Variants in ANKRD30BL observed in about 807,000 individuals in gnomAD.
The protein encoded by ANKRD30BL is putative ankyrin repeat domain-containing protein 30B-like.
In ANKRD30BL, 20 loss-of-function variants were observed where a neutral mutation model predicts 18.4. The observed-to-expected ratio is 1.09, with a 90% CI of 0.77 to 1.58. The LOEUF (loss-of-function observed/expected upper bound fraction) is 1.58, where lower values mean the gene tolerates loss of function less well. ANKRD30BL is among the 40% of genes most tolerant of loss of function. The pLI is 0.00. For missense variants in ANKRD30BL, 224 were observed against 268.6 expected (o/e 0.83, Z 1.16); for synonymous variants, 72 against 100.9 (o/e 0.71, Z 1.72).
chr2:132,198,359 T>C (rs1348471725), intron 1 of ANKRD30BL, among the ~76,000 whole-genome samples: 2 of 131,560 alleles, frequency 1.5e-5, no homozygotes. Context: ...AGTCTCCCTC[T>C]GTCGCCCAGG....
At chr2:132,233,641 C>G (rs1189112750) in intron 1 of ANKRD30BL, among the ~76,000 whole-genome samples, 1 of 151,206 alleles carries the variant, frequency 6.6e-6, no homozygotes, top group Admixed American at 6.6e-5. Flanking sequence ...GCTAACTATC[C>G]TAAATCTATA....
At chr2:132,153,157 A>G (rs7606716) in intron 4 of ANKRD30BL, among the ~76,000 whole-genome samples, 2 of 151,894 alleles carry the variant, frequency 1.3e-5, no homozygotes, top group East Asian at 1.9e-4. Context: ...TTCTGCCCCC[A>G]CCGCCAATCC....
At chr2:132,168,370 T>C (rs1688223121) in intron 1 of ANKRD30BL, among the ~76,000 whole-genome samples, 1 of 152,176 alleles carries the variant, frequency 6.6e-6, no homozygotes, top group South Asian at 2.1e-4. Flanking sequence ...TATTACAGAT[T>C]ACTGGATAAA....
At position 132,161,658 on chromosome 2, in the gene ANKRD30BL, C is replaced by A; in HGVS notation, c.48G>T (p.Glu16Asp). 6.9e-7 allele frequency: 1 copy of A among 1,452,596 alleles called. No individual in the cohort carries two copies. Among genetic ancestry groups the A allele is most frequent in the African/African-American group, 1.4e-5 (1 of 70,850 alleles). The allele number at this position is 1,452,596 out of a possible 1,614,324, so 90.0% of individuals were successfully genotyped here. A position where few individuals can be genotyped will look rare whatever the true frequency, so the allele number is the denominator to read the frequency against. ...AAPVKGQTGPERPSPFSQLVY... is the reference protein window; with the variant it reads ...AAPVKGQTGPDRPSPFSQLVY... The stretch of plus-strand genomic sequence containing the variant: ...CCAGCTGACTGAAGGGGCTCGGGCG[C>A]TCTGGGCCCGTCTGGCCCTTGACAG... Residue 16 changes from glutamate to aspartate, a missense_variant, in exon 1 of 6, where the codon GAG (glutamate) becomes GAT (aspartate). Physicochemically the swap from Glu to Asp is conservative, Grantham distance 45 (BLOSUM62 2). Transcript: ENST00000409867.
chr2:132,199,122 C>T (rs988043071), intron 1 of ANKRD30BL, among the ~76,000 whole-genome samples: 2 of 152,118 alleles, frequency 1.3e-5, no homozygotes, highest in East Asian at 1.9e-4. Flanking sequence ...GAGGCCGAGG[C>T]GGGCAGATCA....
chr2:132,149,474 T>C (rs559777348), intron 5 of ANKRD30BL, among the ~76,000 whole-genome samples: 2 of 152,216 alleles, frequency 1.3e-5, no homozygotes, highest in African/African-American at 4.8e-5. Context: ...TAACCTGTAC[T>C]TCTCAACAAA....
At chr2:132,179,246 T>C (rs1159509303) in intron 1 of ANKRD30BL, among the ~76,000 whole-genome samples, 1 of 152,052 alleles carries the variant, frequency 6.6e-6, no homozygotes, top group Non-Finnish European at 1.5e-5. Flanking sequence ...TGATAATAAG[T>C]GACAATATTA....
intron 1 of ANKRD30BL, among the ~76,000 whole-genome samples, chr2:132,237,515 T>G (rs1287857539): frequency 6.6e-6 from 1 of 152,090 alleles, no homozygotes; most frequent in Admixed American, 6.6e-5. Flanking sequence ...CTCACAGAGT[T>G]GAAATTTTCT....
rs1687649644 is a variant in ANKRD30BL, at chr2:132,147,947, C to A, written c.*184G>T. ...GGGGGCTGTTTAATGAAACTAGGGGCAAGGAGGCATAACGAACGAGGAAGT... is the reference window on the plus strand; with the variant it reads ...GGGGGCTGTTTAATGAAACTAGGGGAAAGGAGGCATAACGAACGAGGAAGT... On this transcript the variant is annotated 3_prime_UTR_variant, in exon 6 of 6. Coordinates refer to ENST00000409867, the MANE Select transcript of ANKRD30BL (RefSeq NM_001358416.1). The A allele has an allele frequency of 3.7e-5, 21 of 574,064 alleles. No individual in the cohort carries two copies. The highest frequency in any genetic ancestry group is 5.1e-5 in the Non-Finnish European group (16 of 316,204). 35.6% of individuals were successfully genotyped at this position (574,064 alleles called of 1,614,324 possible). A position where few individuals can be genotyped will look rare whatever the true frequency, so the allele number is the denominator to read the frequency against.
At chr2:132,236,035 C>T (rs1213823973) in intron 1 of ANKRD30BL, among the ~76,000 whole-genome samples, 2 of 152,106 alleles carry the variant, frequency 1.3e-5, no homozygotes, top group South Asian at 4.1e-4. Flanking sequence ...AATAATGCCA[C>T]ATATCCACAA....
intron 1 of ANKRD30BL, among the ~76,000 whole-genome samples, chr2:132,187,533 CTCGAT>C (rs1688589729): frequency 6.6e-6 from 1 of 151,706 alleles, no homozygotes; most frequent in Non-Finnish European, 1.5e-5. Flanking sequence ...CAAGGATGGT[CTCGAT>C]CTCTTAACCT....
At chr2:132,161,192 T>G (rs867706588) in intron 1 of ANKRD30BL, among the ~76,000 whole-genome samples, 3 of 151,198 alleles carry the variant, frequency 2.0e-5, no homozygotes, top group African/African-American at 7.4e-5. Context: ...CACTTTAAAA[T>G]TCTCTACACA....
At chr2:132,208,279 C>T (rs1262450317) in intron 1 of ANKRD30BL, among the ~76,000 whole-genome samples, 3 of 152,114 alleles carry the variant, frequency 2.0e-5, no homozygotes, top group Non-Finnish European at 4.4e-5. Context: ...CTCTAACATT[C>T]AAAAGAGCCT....
intron 1 of ANKRD30BL, among the ~76,000 whole-genome samples, chr2:132,188,276 G>A (rs1678747434): frequency 6.6e-6 from 1 of 152,104 alleles, no homozygotes; most frequent in African/African-American, 2.4e-5. Flanking sequence ...CTAAAAATCC[G>A]ACATGAATCA....
chr2:132,246,718 T>A (rs945125104), intron 1 of ANKRD30BL, among the ~76,000 whole-genome samples: 2 of 152,082 alleles, frequency 1.3e-5, no homozygotes, highest in Non-Finnish European at 2.9e-5. Context: ...AACATTCTTT[T>A]TCATAGAATA....
At chr2:132,255,925 ACCCC>A (rs979519227) in intron 1 of ANKRD30BL, among the ~76,000 whole-genome samples, 1 of 151,464 alleles carries the variant, frequency 6.6e-6, no homozygotes, top group African/African-American at 2.4e-5. Context: ...GCGGCACCCG[ACCCC>A]CCGGCCGGGG....
chr2:132,195,090 A>G (rs977230201), intron 1 of ANKRD30BL, among the ~76,000 whole-genome samples: 18 of 152,176 alleles, frequency 1.2e-4, no homozygotes, highest in Non-Finnish European at 2.4e-4. Context: ...ATGGATATAA[A>G]TAGGAAAAAG....
intron 1 of ANKRD30BL, among the ~76,000 whole-genome samples, chr2:132,175,486 A>T (rs538399498): frequency 0.01 from 1,546 of 152,294 alleles, 15 homozygotes; most frequent in Non-Finnish European, 0.011. Flanking sequence ...AAAATCGGGT[A>T]TTATACTGAG....
At chr2:132,224,912 C>A (rs1679799928) in intron 1 of ANKRD30BL, among the ~76,000 whole-genome samples, 1 of 151,920 alleles carries the variant, frequency 6.6e-6, no homozygotes, top group Non-Finnish European at 1.5e-5. Flanking sequence ...AGGTTTGAAA[C>A]ACTCTTTGCA....
Sources: gnomAD v4.1 joint callset for allele counts (sites outside exome capture counted in the v4.1 genomes callset) on GRCh38, gnomAD v4.1.1 for gene constraint, MANE v1.5 for transcripts, NCBI Gene and HGNC (gene_info 2026-07-23, HGNC 2026-07-21) for gene names.